The following DGCR2 variants were observed in gnomAD, a reference collection of about 807,000 sequenced individuals.
DGCR2 encodes the protein DiGeorge syndrome critical region gene 2.
Under a neutral mutation model 51.6 loss-of-function variants are expected in DGCR2, and 24 were observed. The ratio of observed to expected loss-of-function variants is 0.47; its 90% CI spans 0.34 to 0.65. DGCR2 has a LOEUF of 0.65. DGCR2 is among the 30% of genes least tolerant of loss of function. The probability of loss-of-function intolerance (pLI) is 0.01; values close to 1 mark genes in which losing one functional copy is unlikely to be tolerated. For synonymous variants in DGCR2, 340 were observed against 315.4 expected, an observed-to-expected ratio of 1.08 and a Z score of -0.82; for missense variants, 765 against 772.1, an observed-to-expected ratio of 0.99 and a Z score of 0.11.
At chr22:19,105,685 A>G (rs943120461) in intron 1 of DGCR2, among the ~76,000 whole-genome samples, 4 of 123,868 alleles carry the variant, frequency 3.2e-5, no homozygotes, top group African/African-American at 1.3e-4. Context: ...GGAGGAGTGC[A>G]TCATCAGAAC....
intron 1 of DGCR2, among the ~76,000 whole-genome samples, chr22:19,102,883 A>G (rs2083218889): frequency 6.6e-6 from 1 of 151,842 alleles, no homozygotes; most frequent in African/African-American, 2.4e-5. Context: ...GCATGCACCT[A>G]TGGTCCTAGC....
intron 1 of DGCR2, among the ~76,000 whole-genome samples, chr22:19,094,651 A>C (rs962489333): frequency 1.3e-5 from 2 of 152,254 alleles, no homozygotes; most frequent in Non-Finnish European, 2.9e-5. Flanking sequence ...TAGGTATTTA[A>C]CCAAGAGAAA....
intron 1 of DGCR2, among the ~76,000 whole-genome samples, chr22:19,097,027 G>C (rs2083148898): frequency 6.6e-6 from 1 of 151,774 alleles, no homozygotes; most frequent in Non-Finnish European, 1.5e-5. Flanking sequence ...AATTATTTTT[G>C]GAAATAGTTG....
intron 9 of DGCR2, among the ~76,000 whole-genome samples, chr22:19,039,508 C>A (rs2082408265): frequency 6.6e-6 from 1 of 152,138 alleles, no homozygotes; most frequent in Non-Finnish European, 1.5e-5. Context: ...AGCAAGAAGG[C>A]AGGGGCATTT....
intron 2 of DGCR2, among the ~76,000 whole-genome samples, chr22:19,079,776 C>T (rs1276571689): frequency 6.6e-6 from 1 of 152,266 alleles, no homozygotes; most frequent in Non-Finnish European, 1.5e-5. Flanking sequence ...CAAGCCCCCA[C>T]ATTTAACCAC....
In DGCR2 at chr22:19,108,569, T is replaced by TAAAA. The variant is rs55803042; in HGVS notation, c.79+13555_79+13558dup. ...CAGCCTGGGCAACAGAGAATTTATC[T>TAAAA]AAAAAAAAAAAAAAAAAAAAAAAAA... On this transcript the variant is annotated intron_variant, in intron 1 of 9. Coordinates refer to ENST00000263196, the MANE Select transcript of DGCR2 (RefSeq NM_005137.3). Among the ~76,000 whole-genome samples the TAAAA allele has an allele frequency of 1.4e-3, 128 of 90,638 alleles. 5 individuals are homozygous for TAAAA. Among genetic ancestry groups the TAAAA allele is most frequent in the African/African-American group, 3.1e-3 (84 of 26,982 alleles). The allele number at this position is 90,638 out of a possible 152,430, so 59.5% of individuals were successfully genotyped here. A position where few individuals can be genotyped will look rare whatever the true frequency, so the allele number is the denominator to read the frequency against.
At chr22:19,090,016 A>G (rs1443843171) in intron 1 of DGCR2, among the ~76,000 whole-genome samples, 1 of 152,236 alleles carries the variant, frequency 6.6e-6, no homozygotes, top group Non-Finnish European at 1.5e-5. Flanking sequence ...GAAAACATTT[A>G]ATGCCTGGCC....
chr22:19,109,178 T>C (rs1008528624), intron 1 of DGCR2, among the ~76,000 whole-genome samples: 1 of 152,210 alleles, frequency 6.6e-6, no homozygotes, highest in Non-Finnish European at 1.5e-5. Flanking sequence ...TCAGAACTCA[T>C]GTACATCGTT....
At chr22:19,062,175 C>T (rs2082670825) in intron 5 of DGCR2, among the ~76,000 whole-genome samples, 1 of 152,238 alleles carries the variant, frequency 6.6e-6, no homozygotes, top group African/African-American at 2.4e-5. Context: ...AAACAATGCA[C>T]TCATAAAGCC....
At chr22:19,093,238 T>C (rs1170179907) in intron 1 of DGCR2, among the ~76,000 whole-genome samples, 2 of 151,722 alleles carry the variant, frequency 1.3e-5, no homozygotes, top group Admixed American at 1.3e-4. Context: ...TGCATGCCTG[T>C]AATCCCAGCT....
chr22:19,053,854 A>G (rs576288044), intron 6 of DGCR2, among the ~76,000 whole-genome samples: 4 of 152,384 alleles, frequency 2.6e-5, no homozygotes, highest in South Asian at 2.1e-4. Context: ...GATGGAATCT[A>G]TAAGAATCAA....
rs10160 is a variant in DGCR2 at position 19,038,512 on chromosome 22, A to G, written c.*353T>C. The G allele has an allele frequency of 0.46, 129,160 of 280,456 alleles. 31,861 individuals are homozygous for G. The highest frequency in any genetic ancestry group is 0.68 in the African/African-American group (29,798 of 44,060). The allele number at this position is 280,456 out of a possible 1,614,324, so 17.4% of individuals were successfully genotyped here. On this transcript the variant is annotated 3_prime_UTR_variant, in exon 10 of 10. Transcript: ENST00000263196. Reference sequence around the variant, plus strand: ...TCTGGACAGCACACTGCACCAAGTAAGCCCACCAAAAACGCATCAGGTGTG... The same window carrying G: ...TCTGGACAGCACACTGCACCAAGTAGGCCCACCAAAAACGCATCAGGTGTG...
At chr22:19,107,651 A>C in intron 1 of DGCR2, among the ~76,000 whole-genome samples, 1 of 152,230 alleles carries the variant, frequency 6.6e-6, no homozygotes. Flanking sequence ...AAGAAGAGAA[A>C]GGCAGGTCCA....
rs1328587349 is a variant in DGCR2, at chr22:19,037,597, T to TAC, written c.*1266_*1267dup. On this transcript the variant is annotated 3_prime_UTR_variant, in exon 10 of 10. Transcript: ENST00000263196. Reference sequence around the variant, plus strand: ...CCTCACCTGCAGACGCTTGGCCACATACACACACAGAGACACAAACATACA... The same window carrying TAC: ...CCTCACCTGCAGACGCTTGGCCACATACACACACACAGAGACACAAACATACA... 6.6e-6 allele frequency: 1 copy of TAC among 152,160 alleles called. No individual in the cohort carries two copies. The highest frequency in any genetic ancestry group is 1.5e-5 in the Non-Finnish European group (1 of 68,070). 9.4% of individuals were successfully genotyped at this position (152,160 alleles called of 1,614,324 possible). A position where few individuals can be genotyped will look rare whatever the true frequency, so the allele number is the denominator to read the frequency against.
At chr22:19,045,401 G>A (rs2082478226) in intron 7 of DGCR2, 1 of 152,178 alleles carries the variant, frequency 6.6e-6, no homozygotes, top group African/African-American at 2.4e-5. Context: ...CTGATTATAC[G>A]TAGTGTGGGA....
intron 2 of DGCR2, among the ~76,000 whole-genome samples, chr22:19,071,668 C>T (rs934023263): frequency 1.3e-5 from 2 of 152,194 alleles, no homozygotes; most frequent in African/African-American, 2.4e-5. Context: ...CAATAACATA[C>T]TTACATTAAT....
chr22:19,069,675 A>G (rs5993494), intron 2 of DGCR2, among the ~76,000 whole-genome samples: 65,029 of 151,966 alleles, frequency 0.43, 14,266 homozygotes, highest in African/African-American at 0.53. Flanking sequence ...GATTTCTTTC[A>G]TCCCCATAAT....
rs2082773083 is a variant in DGCR2 at position 19,068,243 on chromosome 22, T to C, written c.203-18A>G. The C allele has an allele frequency of 2.5e-6, 4 of 1,576,820 alleles. No homozygotes were observed. The highest frequency in any genetic ancestry group is 3.4e-6 in the Non-Finnish European group (4 of 1,160,406). On this transcript the variant is annotated intron_variant, in intron 2 of 9. Transcript: ENST00000263196. ...GGTCACTTCTGAAAGCAAAAGGAGA[T>C]GTGTGCTGTGAGTCCTGCCTGTGCA...
chr22:19,103,417 T>C (rs1415504669), intron 1 of DGCR2, among the ~76,000 whole-genome samples: 1 of 11,074 alleles, frequency 9.0e-5, no homozygotes, highest in Non-Finnish European at 1.7e-4. Flanking sequence ...AAAAAAGTTC[T>C]TTTTTTTTTT....
Sources: allele counts gnomAD v4.1 joint callset (sites outside exome capture counted in the v4.1 genomes callset), GRCh38; gene constraint gnomAD v4.1.1; transcripts MANE v1.5; gene names NCBI Gene and HGNC (gene_info 2026-07-23, HGNC 2026-07-21).